Variants in PTPRD observed in about 807,000 individuals in gnomAD.
PTPRD encodes receptor-type tyrosine-protein phosphatase delta.
PTPRD carries 34 observed loss-of-function variants against 214.5 expected under a neutral mutation model. That is an observed-to-expected ratio of 0.16 (90% CI 0.12 to 0.21). The LOEUF (loss-of-function observed/expected upper bound fraction) is 0.21, where lower values mean the gene tolerates loss of function less well. Ranked by LOEUF, PTPRD falls within the 10% of genes least tolerant of loss-of-function variation. PTPRD has a pLI of 1.00. For synonymous variants in PTPRD, 1,128 were observed against 845.7 expected (o/e 1.33, Z -5.79); for missense variants, 2,545 against 2,398.7 (o/e 1.06, Z -1.27).
At chr9:8,666,722 T>C (rs752718708) in intron 12 of PTPRD, among the ~76,000 whole-genome samples, 1 of 152,126 alleles carries the variant, frequency 6.6e-6, no homozygotes, top group Admixed American at 6.6e-5. Flanking sequence ...TATTTCTACA[T>C]CCCAGTAGTT....
chr9:9,462,704 T>C (rs947298708), intron 8 of PTPRD, among the ~76,000 whole-genome samples: 25 of 152,100 alleles, frequency 1.6e-4, no homozygotes, highest in African/African-American at 5.8e-4. Context: ...TGCTGTACTT[T>C]TCCAGTTTGT....
intron 5 of PTPRD, among the ~76,000 whole-genome samples, chr9:9,829,012 C>T (rs541626832): frequency 1.3e-5 from 2 of 151,888 alleles, no homozygotes; most frequent in South Asian, 4.2e-4. Flanking sequence ...TGAGTTGATA[C>T]AAATTATTAT....
At chr9:9,423,778 T>G (rs570620956) in intron 8 of PTPRD, among the ~76,000 whole-genome samples, 1 of 152,268 alleles carries the variant, frequency 6.6e-6, no homozygotes, top group Admixed American at 6.5e-5. Context: ...TTAGACAGAA[T>G]TGAAGAGGGA....
intron 9 of PTPRD, among the ~76,000 whole-genome samples, chr9:9,214,022 T>C (rs988232202): frequency 6.6e-6 from 1 of 152,210 alleles, no homozygotes; most frequent in Non-Finnish European, 1.5e-5. Context: ...GAACAACAGA[T>C]AAATGTAAAC....
chr9:8,936,608 C>A (rs1320433070), intron 11 of PTPRD, among the ~76,000 whole-genome samples: 1 of 152,006 alleles, frequency 6.6e-6, no homozygotes, highest in Admixed American at 6.6e-5. Context: ...GAAACTTCAA[C>A]TGACTATTTA....
chr9:8,518,790 G>A (rs921011374), intron 20 of PTPRD, among the ~76,000 whole-genome samples: 1 of 152,152 alleles, frequency 6.6e-6, no homozygotes, highest in African/African-American at 2.4e-5. Context: ...GTATGTAACT[G>A]TATTTCATGG....
chr9:10,311,537 T>G (rs1298505477), intron 3 of PTPRD, among the ~76,000 whole-genome samples: 1 of 152,068 alleles, frequency 6.6e-6, no homozygotes, highest in African/African-American at 2.4e-5. Context: ...TTGGGATATT[T>G]GTATGCTCAT....
chr9:10,273,652 A>T (rs2094533160), intron 3 of PTPRD, among the ~76,000 whole-genome samples: 1 of 152,094 alleles, frequency 6.6e-6, no homozygotes. Flanking sequence ...GAAATAGAGA[A>T]TGACTTCTTT....
intron 2 of PTPRD, among the ~76,000 whole-genome samples, chr9:10,381,112 G>A (rs1239229280): frequency 2.0e-5 from 3 of 150,330 alleles, no homozygotes; most frequent in Non-Finnish European, 4.4e-5. Context: ...AAAAAAAAAA[G>A]ACAAAAAGTA....
chr9:8,975,126 A>G (rs1457875232), intron 11 of PTPRD, among the ~76,000 whole-genome samples: 7 of 151,326 alleles, frequency 4.6e-5, no homozygotes. Flanking sequence ...ATTTTCAGAG[A>G]CTGTTTATCA....
chr9:8,546,393 C>A (rs2080154852), intron 14 of PTPRD, among the ~76,000 whole-genome samples: 1 of 152,182 alleles, frequency 6.6e-6, no homozygotes, highest in Non-Finnish European at 1.5e-5. Context: ...GCATATGATG[C>A]AGAGAATAGC....
chr9:10,353,055 C>T (rs939646330), intron 2 of PTPRD, among the ~76,000 whole-genome samples: 3 of 151,982 alleles, frequency 2.0e-5, no homozygotes, highest in African/African-American at 4.8e-5. Context: ...TTTAACAAGT[C>T]CCTTAAAATT....
chr9:8,486,054 G>A lies in PTPRD; in HGVS notation c.2763C>T (p.Phe921=), dbSNP rs139889630. ...ISIPEEVPTG[F]PQNLHSEGTT... ...TGCCTTCTGAGTGAAGGTTTTGAGG[G>A]AATCCAGTTGGTACTTCTTCTGGAA... is the stretch of plus-strand genomic sequence containing the variant. The change falls in exon 28 of 46, where the codon TTC becomes TTT. Residue 921 remains phenylalanine, a synonymous_variant. Coordinates refer to ENST00000381196, the MANE Select transcript of PTPRD (RefSeq NM_002839.4). 1.2e-6 allele frequency: 2 copies of A among 1,614,106 alleles called. No homozygotes were observed. Among genetic ancestry groups the A allele is most frequent in the African/African-American group, 1.3e-5 (1 of 75,016 alleles).
At chr9:8,346,048 A>G (rs1423446096) in intron 39 of PTPRD, among the ~76,000 whole-genome samples, 1 of 152,098 alleles carries the variant, frequency 6.6e-6, no homozygotes, top group East Asian at 1.9e-4. Flanking sequence ...GTTTATCAAA[A>G]ATAAAGATTC....
At chr9:8,566,473 T>C (rs2089251372) in intron 14 of PTPRD, among the ~76,000 whole-genome samples, 1 of 152,122 alleles carries the variant, frequency 6.6e-6, no homozygotes, top group Non-Finnish European at 1.5e-5. Context: ...TTTGATAATA[T>C]CCTCAGTATG....
intron 5 of PTPRD, among the ~76,000 whole-genome samples, chr9:9,911,496 C>T (rs1405527444): frequency 1.3e-5 from 2 of 151,830 alleles, no homozygotes; most frequent in African/African-American, 2.4e-5. Context: ...GTTTGTTACC[C>T]CAACTAAATT....
chr9:8,824,603 T>C (rs2097139834), intron 11 of PTPRD, among the ~76,000 whole-genome samples: 1 of 151,952 alleles, frequency 6.6e-6, no homozygotes, highest in African/African-American at 2.4e-5. Flanking sequence ...GCAAAATAAG[T>C]TATTTTAAGT....
intron 4 of PTPRD, among the ~76,000 whole-genome samples, chr9:9,998,129 A>ATATATATATATTT (rs1555449230): frequency 6.6e-5 from 6 of 91,496 alleles, no homozygotes; most frequent in African/African-American, 3.5e-4. Context: ...AAAAAAAAAA[A>ATATATATATATTT]ATATATATAT....
chr9:8,889,723 C>T (rs1044422758), intron 11 of PTPRD, among the ~76,000 whole-genome samples: 10 of 152,032 alleles, frequency 6.6e-5, no homozygotes, highest in Non-Finnish European at 1.0e-4. Flanking sequence ...TTTGGTTTCC[C>T]ATTCCTGAGT....
Sources: gnomAD v4.1 joint callset for allele counts (sites outside exome capture counted in the v4.1 genomes callset) on GRCh38, gnomAD v4.1.1 for gene constraint, MANE v1.5 for transcripts, NCBI Gene and HGNC (gene_info 2026-07-23, HGNC 2026-07-21) for gene names.